Variants in ABLIM3 observed in about 807,000 individuals in gnomAD.
The protein encoded by ABLIM3 is actin binding LIM protein family member 3.
A neutral mutation model predicts 109.5 loss-of-function variants in ABLIM3; 61 were observed. The observed-to-expected ratio is 0.56, with a 90% CI of 0.45 to 0.69. The LOEUF is 0.69. Ranked by LOEUF, ABLIM3 falls within the 30% of genes least tolerant of loss-of-function variation. The pLI, the probability that ABLIM3 is intolerant of heterozygous loss-of-function variation, is 0.00. For missense variants in ABLIM3, 796 were observed against 889.5 expected, an observed-to-expected ratio of 0.89 and a Z score of 1.34; for synonymous variants, 300 against 324.8, an observed-to-expected ratio of 0.92 and a Z score of 0.82.
chr5:149,250,402 C>A, intron 19 of ABLIM3, 45 bp from the exon 20 acceptor site: 1 of 1,600,136 alleles, frequency 6.2e-7, no homozygotes, highest in South Asian at 1.1e-5. Context: ...GAGAGGGACT[C>A]ATGGCTTGGG....
At chr5:149,184,349 G>A (rs982571679) in intron 3 of ABLIM3, among the ~76,000 whole-genome samples, 1 of 152,060 alleles carries the variant, frequency 6.6e-6, no homozygotes, top group Non-Finnish European at 1.5e-5. Flanking sequence ...TTGCCCTGTG[G>A]GTTTAGAAAA....
At chr5:149,240,856 A>G in intron 14 of ABLIM3, 82 bp downstream of exon 14, 2 of 1,315,484 alleles carry the variant, frequency 1.5e-6, no homozygotes. Flanking sequence ...CCTCGATGCC[A>G]CACAGGCACC....
intron 23 of ABLIM3, among the ~76,000 whole-genome samples, chr5:149,255,665 C>G (rs1254918787): frequency 6.6e-6 from 1 of 152,152 alleles, no homozygotes; most frequent in Non-Finnish European, 1.5e-5. Context: ...GCAGAGGGAA[C>G]AGCCAGTGTT....
chr5:149,212,777 T>C (rs1287460098), intron 7 of ABLIM3, among the ~76,000 whole-genome samples: 1 of 152,102 alleles, frequency 6.6e-6, no homozygotes, highest in Non-Finnish European at 1.5e-5. Context: ...GCGAGTACCA[T>C]TTAGGATGAG....
At chr5:149,166,192 G>T (rs1033005212) in intron 2 of ABLIM3, among the ~76,000 whole-genome samples, 1 of 152,172 alleles carries the variant, frequency 6.6e-6, no homozygotes, top group Non-Finnish European at 1.5e-5. Context: ...GAACTGAGTA[G>T]GGGCTGTGCC....
At position 149,217,065 on chromosome 5, in the gene ABLIM3, C is replaced by T; in HGVS notation, c.757+19C>T. 6.2e-7 allele frequency: 1 copy of T among 1,609,046 alleles called. No individual in the cohort carries two copies. Among genetic ancestry groups the T allele is most frequent in the Non-Finnish European group, 8.5e-7 (1 of 1,175,408 alleles). ...CTCACAGGTAAGTAAATCTGACCCT[C>T]TGTAAGGCCTTCCGACCTGCTCATG... is the stretch of plus-strand genomic sequence containing the variant. On this transcript the variant is annotated intron_variant, in intron 8 of 23. Transcript: ENST00000309868.
At chr5:149,145,108 C>A (rs1434480678) in intron 2 of ABLIM3, among the ~76,000 whole-genome samples, 1 of 152,018 alleles carries the variant, frequency 6.6e-6, no homozygotes, top group African/African-American at 2.4e-5. Context: ...AGCATAGTAC[C>A]CAATAGTTAG....
intron 5 of ABLIM3, among the ~76,000 whole-genome samples, chr5:149,204,376 G>A (rs1758768408): frequency 6.6e-6 from 1 of 152,242 alleles, no homozygotes; most frequent in South Asian, 2.1e-4. Flanking sequence ...CGGGCTCCTG[G>A]GTGGCATGCC....
chr5:149,203,547 A>G (rs1447662173), intron 5 of ABLIM3, among the ~76,000 whole-genome samples: 1 of 151,976 alleles, frequency 6.6e-6, no homozygotes, highest in Non-Finnish European at 1.5e-5. Context: ...CATCATCACT[A>G]CCATCACCAC....
In ABLIM3 at chr5:149,237,449, C is replaced by T. The variant is rs1270449365; in HGVS notation, c.890C>T (p.Ala297Val). The stretch of plus-strand genomic sequence containing the variant: ...CCTGTCCATTTCCCTCTTCCCTAGG[C>T]TAAAGTGGATAATGAGATCCTTAAT... Reference protein sequence around the residue: ...SIGSPNRVICAKVDNEILNYK... With the variant: ...SIGSPNRVICVKVDNEILNYK... Residue 297 changes from alanine (A) to valine (V), a missense_variant and splice_region_variant, in exon 11 of 24, where the codon GCT (alanine) becomes GTT (valine). Physicochemically the swap from Ala to Val is moderately conservative, Grantham distance 64. Coordinates refer to ENST00000309868, the MANE Select transcript of ABLIM3 (RefSeq NM_014945.5). 1 of 1,613,944 alleles carries T rather than the reference C, an allele frequency of 6.2e-7. No homozygotes were observed. The highest frequency in any genetic ancestry group is 1.3e-5 in the African/African-American group (1 of 75,016).
At chr5:149,169,471 T>G (rs1323698719) in intron 2 of ABLIM3, among the ~76,000 whole-genome samples, 1 of 152,016 alleles carries the variant, frequency 6.6e-6, no homozygotes, top group Admixed American at 6.6e-5. Flanking sequence ...TGGTGTCTCA[T>G]TAGTCAGGAG....
At chr5:149,187,978 G>T (rs766658621) in intron 3 of ABLIM3, among the ~76,000 whole-genome samples, 7 of 152,180 alleles carry the variant, frequency 4.6e-5, no homozygotes, top group Non-Finnish European at 1.0e-4. Context: ...TGCTCCATCT[G>T]TAAGGGCGCA....
At chr5:149,211,330 C>T (rs150329171) in intron 7 of ABLIM3, among the ~76,000 whole-genome samples, 1 of 152,262 alleles carries the variant, frequency 6.6e-6, no homozygotes, top group African/African-American at 2.4e-5. Flanking sequence ...TCTGCAGTGA[C>T]AGACAACCTG....
intron 15 of ABLIM3, chr5:149,244,540 CCACA>C (rs1391709904): frequency 3.5e-6 from 1 of 284,066 alleles, no homozygotes. Flanking sequence ...ATTTGAGGAG[CCACA>C]CCCTTAGAGG....
intron 2 of ABLIM3, among the ~76,000 whole-genome samples, chr5:149,157,927 G>A (rs1283362339): frequency 6.6e-6 from 1 of 152,084 alleles, no homozygotes; most frequent in Non-Finnish European, 1.5e-5. Context: ...AACTGAAAGG[G>A]TACCAACAAA....
chr5:149,216,275 T>A (rs1561597069), intron 7 of ABLIM3, among the ~76,000 whole-genome samples: 8 of 152,226 alleles, frequency 5.3e-5, no homozygotes, highest in Admixed American at 4.6e-4. Flanking sequence ...TTGGCTCCCT[T>A]ATATGTAAGG....
chr5:149,201,121 G>A lies in ABLIM3; in HGVS notation c.448+693G>A, dbSNP rs77327311. ...TGGAGGGAAACTGAGGACCAGGAGC[G>A]CGCCTCAGAATGGTCATTCTAATTT... On this transcript the variant is annotated intron_variant, in intron 5 of 23. Transcript: ENST00000309868. Among the ~76,000 whole-genome samples, 964 of 152,232 alleles carry A rather than the reference G, an allele frequency of 6.3e-3. 16 individuals are homozygous for A. Among genetic ancestry groups the A allele is most frequent in the African/African-American group, 0.018 (748 of 41,536 alleles).
intron 10 of ABLIM3, among the ~76,000 whole-genome samples, chr5:149,235,985 T>G (rs1762308040): frequency 6.6e-6 from 1 of 152,186 alleles, no homozygotes; most frequent in Non-Finnish European, 1.5e-5. Flanking sequence ...AAGCCCAGCC[T>G]CCAGAGAGAG....
chr5:149,173,867 A>G (rs1419651050), intron 2 of ABLIM3, among the ~76,000 whole-genome samples: 2 of 151,946 alleles, frequency 1.3e-5, no homozygotes, highest in Non-Finnish European at 2.9e-5. Flanking sequence ...TAAAAATACA[A>G]AAAAATTAGC....
Sources: gnomAD v4.1 joint callset for allele counts (sites outside exome capture counted in the v4.1 genomes callset) on GRCh38, gnomAD v4.1.1 for gene constraint, MANE v1.5 for transcripts, NCBI Gene and HGNC (gene_info 2026-07-23, HGNC 2026-07-21) for gene names.